NRG3: variants seen among roughly 807,000 people sequenced by gnomAD.
NRG3 encodes the protein neuregulin 3.
NRG3 carries 31 observed loss-of-function variants against 66.9 expected under a neutral mutation model. The observed-to-expected ratio is 0.46, with a 90% confidence interval of 0.35 to 0.63. The LOEUF (loss-of-function observed/expected upper bound fraction) is 0.63. NRG3 is among the 20% of genes least tolerant of loss of function. The pLI, the probability that NRG3 is intolerant of heterozygous loss-of-function variation, is 0.00. For missense variants in NRG3, 910 were observed against 878.9 expected (o/e 1.04, Z -0.45); for synonymous variants, 393 against 359.4 (o/e 1.09, Z -1.06).
chr10:82,826,799 A>G (rs2062234503), intron 3 of NRG3, among the ~76,000 whole-genome samples: 1 of 152,058 alleles, frequency 6.6e-6, no homozygotes, highest in African/African-American at 2.4e-5. Flanking sequence ...AAAACTACCT[A>G]TCGGGTATTA....
At chr10:82,329,905 A>C (rs547812903) in intron 1 of NRG3, among the ~76,000 whole-genome samples, 1 of 152,296 alleles carries the variant, frequency 6.6e-6, no homozygotes, top group African/African-American at 2.4e-5. Context: ...GAGCTGCTAT[A>C]GCTATGGACC....
At chr10:82,216,788 T>TA (rs1679090363) in intron 1 of NRG3, among the ~76,000 whole-genome samples, 1 of 152,184 alleles carries the variant, frequency 6.6e-6, no homozygotes, top group Admixed American at 6.5e-5. Flanking sequence ...TAAATGTTTT[T>TA]ACCAGTATTA....
intron 1 of NRG3, among the ~76,000 whole-genome samples, chr10:82,066,759 G>A (rs1175915211): frequency 6.6e-6 from 1 of 152,052 alleles, no homozygotes; most frequent in Non-Finnish European, 1.5e-5. Flanking sequence ...AGTAAACATT[G>A]GGATCAGCCA....
chr10:82,679,064 G>A (rs2053924870), intron 2 of NRG3, among the ~76,000 whole-genome samples: 4 of 152,112 alleles, frequency 2.6e-5, no homozygotes, highest in Admixed American at 2.0e-4. Flanking sequence ...TAAATGTCTT[G>A]AGTTTTAGTT....
intron 1 of NRG3, among the ~76,000 whole-genome samples, chr10:81,906,382 C>G (rs999482126): frequency 6.6e-6 from 1 of 152,142 alleles, no homozygotes; most frequent in Non-Finnish European, 1.5e-5. Flanking sequence ...CTCCTTCATT[C>G]AATTGCTATT....
intron 1 of NRG3, among the ~76,000 whole-genome samples, chr10:82,172,586 A>G (rs1418258318): frequency 2.6e-5 from 4 of 152,104 alleles, no homozygotes; most frequent in African/African-American, 9.7e-5. Context: ...GCTAAAATTC[A>G]CTGAGATTCA....
chr10:81,945,036 C>A (rs73306534), intron 1 of NRG3, among the ~76,000 whole-genome samples: 5,126 of 152,202 alleles, frequency 0.034, 223 homozygotes, highest in African/African-American at 0.1. Context: ...CTACCTCCCC[C>A]AGACCTCCTT....
At chr10:82,761,044 AT>A (rs1330922422) in intron 3 of NRG3, among the ~76,000 whole-genome samples, 4 of 151,962 alleles carry the variant, frequency 2.6e-5, no homozygotes, top group Admixed American at 6.6e-5. Flanking sequence ...CATGAAAATA[AT>A]TAAATGTATT....
intron 1 of NRG3, among the ~76,000 whole-genome samples, chr10:82,027,445 A>G (rs536548780): frequency 3.3e-5 from 5 of 152,204 alleles, no homozygotes; most frequent in East Asian, 1.9e-4. Context: ...ATTTTTAACT[A>G]TGTTTGAAAG....
At chr10:82,438,098 G>C (rs1366454147) in intron 2 of NRG3, among the ~76,000 whole-genome samples, 1 of 149,620 alleles carries the variant, frequency 6.7e-6, no homozygotes, top group Non-Finnish European at 1.5e-5. Flanking sequence ...TGCTTCACTG[G>C]GGGGAAACCC....
chr10:82,255,008 G>A (rs1231129400), intron 1 of NRG3, among the ~76,000 whole-genome samples: 1 of 152,104 alleles, frequency 6.6e-6, no homozygotes, highest in African/African-American at 2.4e-5. Flanking sequence ...AAGGAACAAG[G>A]AATAACTAAA....
intron 1 of NRG3, among the ~76,000 whole-genome samples, chr10:82,157,574 A>T (rs1166204195): frequency 6.6e-6 from 1 of 151,652 alleles, no homozygotes; most frequent in Non-Finnish European, 1.5e-5. Flanking sequence ...ATATTGCAGG[A>T]TCAATTCAAC....
chr10:82,291,947 A>G (rs951031014), intron 1 of NRG3, among the ~76,000 whole-genome samples: 2 of 152,216 alleles, frequency 1.3e-5, no homozygotes, highest in Non-Finnish European at 2.9e-5. Context: ...ACCAGACTCA[A>G]TACATAAAGG....
intron 2 of NRG3, among the ~76,000 whole-genome samples, chr10:82,662,000 C>A (rs140300848): frequency 9.6e-4 from 146 of 152,252 alleles, no homozygotes; most frequent in African/African-American, 3.3e-3. Context: ...GTTTTGAGGA[C>A]AAGCATCTCT....
At chr10:82,026,454 C>T (rs2062310994) in intron 1 of NRG3, among the ~76,000 whole-genome samples, 1 of 152,010 alleles carries the variant, frequency 6.6e-6, no homozygotes, top group Non-Finnish European at 1.5e-5. Context: ...TATCTTGCTT[C>T]TGATACGTGT....
At chr10:81,963,344 G>A (rs1024181476) in intron 1 of NRG3, among the ~76,000 whole-genome samples, 1 of 150,030 alleles carries the variant, frequency 6.7e-6, no homozygotes, top group Non-Finnish European at 1.5e-5. Context: ...CGTTTTAGCC[G>A]GGATGGTCTC....
chr10:82,253,065 G>A lies in NRG3; in HGVS notation c.824-105674G>A, dbSNP rs145868794. On this transcript the variant is annotated intron_variant, in intron 1 of 8. Coordinates refer to ENST00000372141, the MANE Select transcript of NRG3 (RefSeq NM_001010848.4). ...CATCTCCAACCACCTTCTTCGCTTCGTCTAAGCCACACATTTCATCATCAT... is the reference window on the plus strand; with the variant it reads ...CATCTCCAACCACCTTCTTCGCTTCATCTAAGCCACACATTTCATCATCAT... 1.1e-3 allele frequency among the ~76,000 whole-genome samples: 161 copies of A among 152,174 alleles called. 1 individual carries two copies. Among genetic ancestry groups the A allele is most frequent in the African/African-American group, 3.6e-3 (148 of 41,526 alleles).
chr10:81,935,443 T>C (rs1301381902), intron 1 of NRG3, among the ~76,000 whole-genome samples: 1 of 152,092 alleles, frequency 6.6e-6, no homozygotes, highest in African/African-American at 2.4e-5. Flanking sequence ...GAAAGGTAAG[T>C]AAGGAAAAGA....
At chr10:82,736,115 A>C (rs183426568) in intron 2 of NRG3, among the ~76,000 whole-genome samples, 1 of 152,314 alleles carries the variant, frequency 6.6e-6, no homozygotes, top group African/African-American at 2.4e-5. Flanking sequence ...GAAAAAAGAA[A>C]ATAAAACAAA....
Sources: gnomAD v4.1 joint callset for allele counts (sites outside exome capture counted in the v4.1 genomes callset) on GRCh38, gnomAD v4.1.1 for gene constraint, MANE v1.5 for transcripts, NCBI Gene and HGNC (gene_info 2026-07-23, HGNC 2026-07-21) for gene names.